MTARC2: variants seen among roughly 807,000 people sequenced by gnomAD.
MTARC2 encodes mitochondrial amidoxime reducing component 2.
MTARC2 carries 27 observed loss-of-function variants against 35.6 expected under a neutral mutation model. That is an observed-to-expected ratio of 0.76 (90% CI 0.56 to 1.04). The LOEUF (loss-of-function observed/expected upper bound fraction) is 1.04, where lower values mean the gene tolerates loss of function less well. MTARC2 is among the 50% of genes least tolerant of loss of function. The pLI, the probability that MTARC2 is intolerant of heterozygous loss-of-function variation, is 0.00. For synonymous variants in MTARC2, 158 were observed against 167.1 expected (o/e 0.95, Z 0.42); for missense variants, 412 against 432.5 (o/e 0.95, Z 0.42).
At chr1:220,762,559 T>C (rs189837723) in intron 3 of MTARC2, among the ~76,000 whole-genome samples, 22 of 152,330 alleles carry the variant, frequency 1.4e-4, no homozygotes, top group Admixed American at 1.2e-3. Flanking sequence ...AATGGTGTTG[T>C]TGAGGAAATT....
chr1:220,777,547 T>A (rs1382015120), intron 4 of MTARC2, among the ~76,000 whole-genome samples: 1 of 152,196 alleles, frequency 6.6e-6, no homozygotes, highest in Admixed American at 6.5e-5. Flanking sequence ...AGTTCCTAAG[T>A]CAAGACGATT....
At chr1:220,770,450 A>G (rs1671712625) in intron 4 of MTARC2, 1 of 985,284 alleles carries the variant, frequency 1.0e-6, no homozygotes, top group Non-Finnish European at 1.2e-6. Context: ...TGATACGTGA[A>G]CGCACGCTTA....
chr1:220,762,807 T>G (rs1381711708), intron 3 of MTARC2, 103 bp from the exon 4 acceptor site: 1 of 1,258,042 alleles, frequency 7.9e-7, no homozygotes, highest in African/African-American at 1.5e-5. Context: ...GCTCCCCTCT[T>G]CTGCACTGAA....
rs2102552889 is a variant in MTARC2, at chr1:220,762,976, A to C, written c.676A>C (p.Arg226=). ...TDASLVDLNT[R]MEKKMKMENF... ...TGCCTCCCTGGTAGATTTGAATACC[A>C]GGATGGAGAAGAAAATGAAAATGGA... Residue 226 remains arginine (R), a synonymous_variant, in exon 4 of 8, where the codon AGG becomes CGG. Transcript: ENST00000366913. 1 of 1,614,192 alleles carries C rather than the reference A, an allele frequency of 6.2e-7. No homozygotes were observed. Among genetic ancestry groups the C allele is most frequent in the Admixed American group, 1.7e-5 (1 of 60,028 alleles).
chr1:220,760,495 A>G (rs987324557), intron 2 of MTARC2, among the ~76,000 whole-genome samples: 1 of 152,258 alleles, frequency 6.6e-6, no homozygotes, highest in Non-Finnish European at 1.5e-5. Flanking sequence ...TAAAAGAAAG[A>G]AAATTGATAC....
chr1:220,766,343 A>G (rs954344842), intron 4 of MTARC2, among the ~76,000 whole-genome samples: 4 of 152,166 alleles, frequency 2.6e-5, no homozygotes, highest in Admixed American at 6.5e-5. Context: ...CAGTAAACCC[A>G]CCTCCCCCTC....
rs1426996401 is a variant in MTARC2 at position 220,781,787 on chromosome 1, G to C, written c.894G>C (p.Leu298=). ...QPLDTLKSYR[L]CDPSERELYK... ...TTTTTGCTTGTTTCAGCTACCGCCT[G>C]TGTGATCCTTCTGAGAGGGAATTGT... Residue 298 remains leucine, a synonymous_variant, in exon 7 of 8, where the codon CTG becomes CTC. Transcript: ENST00000366913. 1 of 1,614,132 alleles carries C rather than the reference G, an allele frequency of 6.2e-7. No individual in the cohort carries two copies. The highest frequency in any genetic ancestry group is 1.3e-5 in the African/African-American group (1 of 75,044).
chr1:220,779,998 A>T lies in MTARC2; in HGVS notation c.751-20A>T, dbSNP rs1305589705. ...CTAATGAAGCCACCATTTAAAAGAT[A>T]ACTTTCTCTTTTCTCTTAGGATACC... On this transcript the variant is annotated intron_variant, in intron 4 of 7. Coordinates refer to ENST00000366913, the MANE Select transcript of MTARC2 (RefSeq NM_017898.5). The T allele has an allele frequency of 6.6e-7, 1 of 1,522,736 alleles. No individual in the cohort carries two copies. The highest frequency in any genetic ancestry group is 1.4e-5 in the African/African-American group (1 of 69,760). 94.3% of individuals were successfully genotyped at this position (1,522,736 alleles called of 1,614,324 possible).
Position 220,781,916 on chromosome 1 carries a change from T to C in MTARC2, c.*15T>C. The C allele has an allele frequency of 2.5e-6, 4 of 1,613,184 alleles. No homozygotes were observed. Among genetic ancestry groups the C allele is most frequent in the Non-Finnish European group, 3.4e-6 (4 of 1,179,414 alleles). ...GGATGGTGTAGTGATGAGTGATGGA[T>C]CCACTAGGGTGATATGGTAAAGGGT... On this transcript the variant is annotated 3_prime_UTR_variant, in exon 7 of 8. Transcript: ENST00000366913.
intron 4 of MTARC2, among the ~76,000 whole-genome samples, chr1:220,777,060 T>A (rs1671938336): frequency 6.6e-6 from 1 of 152,226 alleles, no homozygotes; most frequent in African/African-American, 2.4e-5. Context: ...TCGCAATAAG[T>A]TACTGGCTAG....
intron 2 of MTARC2, among the ~76,000 whole-genome samples, chr1:220,759,978 A>G (rs895107631): frequency 7.9e-5 from 12 of 152,260 alleles, no homozygotes; most frequent in Admixed American, 2.0e-4. Context: ...AATCCTTCAC[A>G]TGCATCGCCT....
In MTARC2 at chr1:220,784,133, T is replaced by C. The variant is rs1572324885; in HGVS notation, c.*246T>C. Reference sequence around the variant, plus strand: ...TATAAATTTTAGGTACTGAAGGCTTTAAAAATAATTAAGATCATCAAAAAT... The same window carrying C: ...TATAAATTTTAGGTACTGAAGGCTTCAAAAATAATTAAGATCATCAAAAAT... On this transcript the variant is annotated 3_prime_UTR_variant, in exon 8 of 8. Transcript: ENST00000366913. 8 of 486,218 alleles carry C rather than the reference T, an allele frequency of 1.6e-5. No homozygotes were observed. The highest frequency in any genetic ancestry group is 3.0e-5 in the Non-Finnish European group (8 of 268,280). The allele number at this position is 486,218 out of a possible 1,614,324, so 30.1% of individuals were successfully genotyped here. A position where few individuals can be genotyped will look rare whatever the true frequency, so the allele number is the denominator to read the frequency against.
At chr1:220,751,639 G>A (rs2102540620) in intron 1 of MTARC2, among the ~76,000 whole-genome samples, 1 of 152,266 alleles carries the variant, frequency 6.6e-6, no homozygotes, top group South Asian at 2.1e-4. Context: ...TTGTAATTGA[G>A]AAATGATATT....
chr1:220,768,055 A>C (rs1188805978), intron 4 of MTARC2, among the ~76,000 whole-genome samples: 1 of 152,240 alleles, frequency 6.6e-6, no homozygotes, highest in Non-Finnish European at 1.5e-5. Context: ...ACAATATACA[A>C]AAATAGCAGC....
At position 220,783,975 on chromosome 1, in the gene MTARC2, C is replaced by A; in HGVS notation, c.*88C>A. 1.4e-6 allele frequency: 1 copy of A among 717,316 alleles called. No individual in the cohort carries two copies. The highest frequency in any genetic ancestry group is 2.6e-6 in the Non-Finnish European group (1 of 385,008). The allele number at this position is 717,316 out of a possible 1,614,324, so 44.4% of individuals were successfully genotyped here. On this transcript the variant is annotated 3_prime_UTR_variant, in exon 8 of 8. Transcript: ENST00000366913. ...CTTAACAACAGCAGCAACGATACAT[C>A]AGCAAATCCTTATTATCCAGCCTTC...
intron 4 of MTARC2, among the ~76,000 whole-genome samples, chr1:220,770,963 A>G (rs1286138647): frequency 6.6e-6 from 1 of 152,170 alleles, no homozygotes; most frequent in Admixed American, 6.5e-5. Flanking sequence ...TGGTGTTTCT[A>G]AGAGTAGGTG....
At chr1:220,758,450 G>A (rs337145) in intron 2 of MTARC2, among the ~76,000 whole-genome samples, 4,681 of 144,866 alleles carry the variant, frequency 0.032, 232 homozygotes, top group African/African-American at 0.11. Flanking sequence ...ATGGAGTTTC[G>A]CTCTTGTTGC....
chr1:220,755,520 G>A (rs1004698515), intron 2 of MTARC2, among the ~76,000 whole-genome samples: 1 of 152,224 alleles, frequency 6.6e-6, no homozygotes, highest in Non-Finnish European at 1.5e-5. Context: ...CCACAGGAAA[G>A]GAGAAGCAAG....
At chr1:220,778,064 G>A (rs182164824) in intron 4 of MTARC2, among the ~76,000 whole-genome samples, 39 of 152,008 alleles carry the variant, frequency 2.6e-4, no homozygotes, top group African/African-American at 8.9e-4. Context: ...CCAACATGGC[G>A]AAACCCCATC....
Sources: gnomAD v4.1 joint callset for allele counts (sites outside exome capture counted in the v4.1 genomes callset) on GRCh38, gnomAD v4.1.1 for gene constraint, MANE v1.5 for transcripts, NCBI Gene and HGNC (gene_info 2026-07-23, HGNC 2026-07-21) for gene names.